Variants in DCX observed in about 807,000 individuals in gnomAD.
DCX encodes the protein neuronal migration protein doublecortin.
DCX carries 4 observed loss-of-function variants against 20.9 expected under a neutral mutation model. The ratio of observed to expected loss-of-function variants is 0.19; its 90% CI spans 0.09 to 0.44. The LOEUF is 0.44. Among genes scored for constraint, DCX ranks in the 20% least tolerant of loss-of-function variants. The pLI is 0.99. For missense variants in DCX, 133 were observed against 296.9 expected, an observed-to-expected ratio of 0.45 and a Z score of 4.06; for synonymous variants, 103 against 111.4, an observed-to-expected ratio of 0.92 and a Z score of 0.47.
At chrX:111,404,479 ATCG>A (rs923435443) in intron 2 of DCX, among the ~76,000 whole-genome samples, 1 of 112,207 alleles carries the variant, frequency 8.9e-6, no homozygotes, top group East Asian at 2.8e-4. Context: ...CAGGATATTT[ATCG>A]TCGTCAAGAG....
intron 3 of DCX, among the ~76,000 whole-genome samples, chrX:111,368,903 C>T (rs185379916): frequency 7.7e-5 from 6 of 78,358 alleles, no homozygotes; most frequent in African/African-American, 4.1e-4. Context: ...TATATACATA[C>T]ACACACACAC....
At chrX:111,322,490 A>G (rs925887002) in intron 5 of DCX, among the ~76,000 whole-genome samples, 2 of 112,098 alleles carry the variant, frequency 1.8e-5, no homozygotes, top group Non-Finnish European at 3.8e-5. Flanking sequence ...ATGCTCTAAG[A>G]TTTTATTCAT....
At chrX:111,310,971 T>C (rs1021669253) in intron 6 of DCX, among the ~76,000 whole-genome samples, 8 of 112,221 alleles carry the variant, frequency 7.1e-5, no homozygotes, top group African/African-American at 2.6e-4. Context: ...ATGTCCAAGC[T>C]GCCTTCACAC....
At chrX:111,316,660 A>G (rs1290845958) in intron 5 of DCX, among the ~76,000 whole-genome samples, 1 of 111,767 alleles carries the variant, frequency 8.9e-6, no homozygotes, top group Non-Finnish European at 1.9e-5. Flanking sequence ...ATATGATTCT[A>G]TATCTAGAAA....
intron 5 of DCX, among the ~76,000 whole-genome samples, chrX:111,322,567 T>C (rs1431079115): frequency 8.9e-6 from 1 of 112,548 alleles, no homozygotes; most frequent in East Asian, 2.8e-4. Flanking sequence ...GCCATCCAAG[T>C]GGATCCAAGG....
At chrX:111,323,603 G>GTTTTTTTT (rs780794851) in intron 5 of DCX, among the ~76,000 whole-genome samples, 12 of 52,162 alleles carry the variant, frequency 2.3e-4, no homozygotes, top group Admixed American at 9.3e-4. Context: ...TATTATTTCT[G>GTTTTTTTT]TTTTTTTTTT....
chrX:111,363,362 A>G (rs1054647031), intron 3 of DCX, among the ~76,000 whole-genome samples: 1 of 110,531 alleles, frequency 9.0e-6, no homozygotes, highest in African/African-American at 3.3e-5. Flanking sequence ...TGTTGGTAGC[A>G]GGAATTTAAA....
intron 6 of DCX, among the ~76,000 whole-genome samples, chrX:111,303,897 T>C (rs752751122): frequency 2.7e-5 from 3 of 112,052 alleles, no homozygotes; most frequent in Non-Finnish European, 5.6e-5. Flanking sequence ...ATGGTCTCTG[T>C]CACACATTCT....
Position 111,333,052 on chromosome X carries a change from A to C in DCX, c.807T>G (p.Asn269Lys). ...YAQDDFSLDENECRVMKGNPS... is the reference protein window; with the variant it reads ...YAQDDFSLDEKECRVMKGNPS... ...ATAAAACCCAGTGGTTATGCTTACC[A>C]TTTTCATCCAGAGAAAAATCATCCT... is the stretch of plus-strand genomic sequence containing the variant. Residue 269 changes from asparagine to lysine, a missense_variant and splice_region_variant, in exon 4 of 7, where the codon AAT (asparagine) becomes AAG (lysine). Coordinates refer to ENST00000636035, the MANE Select transcript of DCX (RefSeq NM_001195553.2). The C allele has an allele frequency of 8.4e-7, 1 of 1,197,308 alleles. No homozygotes were observed. The highest frequency in any genetic ancestry group is 1.1e-6 in the Non-Finnish European group (1 of 882,672).
At chrX:111,395,885 C>T (rs975409595) in intron 3 of DCX, among the ~76,000 whole-genome samples, 12 of 111,798 alleles carry the variant, frequency 1.1e-4, no homozygotes, top group African/African-American at 3.6e-4. Flanking sequence ...GAGCCGGAGG[C>T]CAGGGAGTAT....
At chrX:111,361,432 T>C (rs1224099875) in intron 3 of DCX, among the ~76,000 whole-genome samples, 1 of 112,176 alleles carries the variant, frequency 8.9e-6, no homozygotes, top group African/African-American at 3.2e-5. Flanking sequence ...GTTTACTCTT[T>C]AGCCTCAAAA....
At chrX:111,349,174 G>A (rs1165694025) in intron 3 of DCX, among the ~76,000 whole-genome samples, 1 of 111,670 alleles carries the variant, frequency 9.0e-6, no homozygotes, top group Non-Finnish European at 1.9e-5. Flanking sequence ...CCCAAATTAA[G>A]AGTCTCTAGA....
At chrX:111,335,742 T>C (rs181379681) in intron 3 of DCX, among the ~76,000 whole-genome samples, 2 of 111,660 alleles carry the variant, frequency 1.8e-5, no homozygotes, top group African/African-American at 3.3e-5. Flanking sequence ...TGTCAGGAGA[T>C]TGAGACCATC....
chrX:111,310,816 C>CTA (rs1037297710), intron 6 of DCX, among the ~76,000 whole-genome samples: 1 of 112,302 alleles, frequency 8.9e-6, no homozygotes, highest in African/African-American at 3.2e-5. Context: ...AACAAACAAG[C>CTA]TATAAGTGTC....
chrX:111,411,977 A>G (rs1264678037), intron 1 of DCX, 161 bp downstream of exon 1: 1 of 112,161 alleles, frequency 8.9e-6, no homozygotes, highest in Non-Finnish European at 1.9e-5. Context: ...CACTTTTCCA[A>G]AGGAAAATCC....
intron 3 of DCX, among the ~76,000 whole-genome samples, chrX:111,340,068 T>A (rs994747198): frequency 1.8e-5 from 2 of 112,825 alleles, no homozygotes; most frequent in African/African-American, 6.4e-5. Context: ...CACTCTTCTG[T>A]TTAAAACCCT....
At position 111,405,817 on chromosome X, in the gene DCX, A is replaced by G. The variant is rs751025940; in HGVS notation, c.364+4218T>C. 8.1e-5 allele frequency among the ~76,000 whole-genome samples: 9 copies of G among 111,672 alleles called. No individual in the cohort carries two copies. In the East Asian group the frequency reaches 2.3e-3, roughly 28 times the overall value. On this transcript the variant is annotated intron_variant, in intron 2 of 6. Transcript: ENST00000636035. ...CCATATCCTACATGGCTTCACTAAGACCCTCGGTGTACCCAAGGACTGTGG... is the reference window on the plus strand; with the variant it reads ...CCATATCCTACATGGCTTCACTAAGGCCCTCGGTGTACCCAAGGACTGTGG...
intron 5 of DCX, among the ~76,000 whole-genome samples, chrX:111,330,331 C>T (rs769816980): frequency 8.9e-6 from 1 of 112,502 alleles, no homozygotes; most frequent in East Asian, 2.8e-4. Flanking sequence ...ATAGAATCTT[C>T]TATGGCAAAT....
intron 3 of DCX, among the ~76,000 whole-genome samples, chrX:111,363,634 G>A (rs1398810320): frequency 9.0e-6 from 1 of 110,823 alleles, no homozygotes; most frequent in East Asian, 2.9e-4. Flanking sequence ...AAACCTCCTA[G>A]TTTCAAATAA....
Sources: allele counts gnomAD v4.1 joint callset (sites outside exome capture counted in the v4.1 genomes callset), GRCh38; gene constraint gnomAD v4.1.1; transcripts MANE v1.5; gene names NCBI Gene and HGNC (gene_info 2026-07-23, HGNC 2026-07-21).